Variants in CACNA1A observed in about 807,000 individuals in gnomAD.
CACNA1A encodes the protein calcium voltage-gated channel subunit alpha1 A.
A neutral mutation model predicts 262.4 loss-of-function variants in CACNA1A; 57 were observed. The observed-to-expected ratio is 0.22, with a 90% CI of 0.18 to 0.27. CACNA1A has a LOEUF of 0.27. CACNA1A is among the 10% of genes least tolerant of loss of function. The pLI is 1.00. For missense variants in CACNA1A, 2,526 were observed against 3,562.8 expected, an observed-to-expected ratio of 0.71 and a Z score of 7.41; for synonymous variants, 1,431 against 1,419.3, an observed-to-expected ratio of 1.01 and a Z score of -0.18.
intron 11 of CACNA1A, among the ~76,000 whole-genome samples, chr19:13,314,140 G>A (rs78709727): frequency 0.034 from 5,217 of 152,256 alleles, 159 homozygotes; most frequent in East Asian, 0.13. Context: ...GGGCTTTCTT[G>A]GTAGGGTAGG....
intron 3 of CACNA1A, among the ~76,000 whole-genome samples, chr19:13,395,291 GAAAAGAAAAAGA>G (rs1045163093): frequency 1.8e-5 from 2 of 112,356 alleles, no homozygotes; most frequent in African/African-American, 7.0e-5. Flanking sequence ...AAAAAAAAAA[GAAAAGAAAAAGA>G]AAAAGAAAAA....
intron 1 of CACNA1A, among the ~76,000 whole-genome samples, chr19:13,490,277 T>C (rs747526362): frequency 8.5e-5 from 13 of 152,120 alleles, no homozygotes; most frequent in Non-Finnish European, 1.8e-4. Flanking sequence ...TGGTTAAGAT[T>C]AGGTAGCTTC....
intron 3 of CACNA1A, among the ~76,000 whole-genome samples, chr19:13,419,603 G>T (rs2060282110): frequency 6.6e-6 from 1 of 152,160 alleles, no homozygotes; most frequent in Non-Finnish European, 1.5e-5. Context: ...CTTGAACCCA[G>T]GTGGTCGAGG....
intron 19 of CACNA1A, among the ~76,000 whole-genome samples, chr19:13,294,763 A>C (rs529988552): frequency 1.3e-5 from 2 of 152,200 alleles, no homozygotes; most frequent in East Asian, 3.9e-4. Flanking sequence ...TGCTGGGATT[A>C]CAGGCGTGAA....
At chr19:13,306,720 C>T (rs1374199554) in intron 15 of CACNA1A, 2 of 152,318 alleles carry the variant, frequency 1.3e-5, no homozygotes, top group Middle Eastern at 3.1e-3. Context: ...CACTATCCAC[C>T]TGCCCTAATC....
intron 3 of CACNA1A, among the ~76,000 whole-genome samples, chr19:13,378,110 C>T (rs2059449541): frequency 6.6e-6 from 1 of 152,204 alleles, no homozygotes; most frequent in African/African-American, 2.4e-5. Flanking sequence ...TTCAAGACTT[C>T]ACTGGAGGAA....
At chr19:13,482,619 C>A (rs1979465982) in intron 1 of CACNA1A, among the ~76,000 whole-genome samples, 1 of 152,108 alleles carries the variant, frequency 6.6e-6, no homozygotes, top group Admixed American at 6.5e-5. Context: ...TTCTCAGTTC[C>A]CCCTGCAGTC....
chr19:13,497,521 AATATATATATATATAT>A (rs1568709638), intron 1 of CACNA1A, among the ~76,000 whole-genome samples: 42 of 12,554 alleles, frequency 3.3e-3, no homozygotes, highest in South Asian at 5.4e-3. Flanking sequence ...AAAAAAAAAA[AATATATATATATATAT>A]ATATATATAT....
chr19:13,214,590 T>A lies in CACNA1A; in HGVS notation c.5750A>T (p.Gln1917Leu), dbSNP rs1161181755. The A allele has an allele frequency of 2.5e-6, 4 of 1,613,694 alleles. No homozygotes were observed. Among genetic ancestry groups the A allele is most frequent in the Non-Finnish European group, 3.4e-6 (4 of 1,179,826 alleles). The change falls in exon 39 of 47, where the codon CAG (glutamine) becomes CTG (leucine). Residue 1917 changes from glutamine (Q) to leucine (L), a missense_variant. Around this residue, in one of 17 missense-constraint regions of CACNA1A, gnomAD observed 112 missense variants for 197.2 expected, o/e 0.57. Coordinates refer to ENST00000360228, the MANE Select transcript of CACNA1A (RefSeq NM_001127222.2). The surrounding 1 kb of genome is among the most constrained non-coding windows in gnomAD (Gnocchi z 4.1). ...KIAKGGADKQ[Q>L]MDAELRKEMM... Reference sequence around the variant, plus strand: ...CTCCTTCCGCAGCTCAGCGTCCATCTGCTGTTTGTCGGCTCCTCCTGCAAT... The same window carrying A: ...CTCCTTCCGCAGCTCAGCGTCCATCAGCTGTTTGTCGGCTCCTCCTGCAAT...
At chr19:13,292,001 A>G (rs1250428238) in intron 19 of CACNA1A, among the ~76,000 whole-genome samples, 1 of 152,128 alleles carries the variant, frequency 6.6e-6, no homozygotes, top group East Asian at 1.9e-4. Flanking sequence ...CAGAGATAAG[A>G]ATTCTAGAGT....
At position 13,209,145 on chromosome 19, in the gene CACNA1A, G is replaced by T. The variant is rs2054704111; in HGVS notation, c.6527-136C>A. 12 of 1,377,480 alleles carry T rather than the reference G, an allele frequency of 8.7e-6. No homozygotes were observed. In the Admixed American group the frequency reaches 2.6e-4, roughly 29 times the overall value. The allele number at this position is 1,377,480 out of a possible 1,614,324, so 85.3% of individuals were successfully genotyped here. A position where few individuals can be genotyped will look rare whatever the true frequency, so the allele number is the denominator to read the frequency against. On this transcript the variant is annotated intron_variant, in intron 45 of 46. Coordinates refer to ENST00000360228, the MANE Select transcript of CACNA1A (RefSeq NM_001127222.2). ...AACCGAGGCAGGTCAGTGGGTTGGG[G>T]GGAGGGGGTAGTACCCAGGTTCCTG...
In CACNA1A at chr19:13,359,680, C is replaced by T. The variant is rs863224852; in HGVS notation, c.904G>A (p.Asp302Asn). The stretch of plus-strand genomic sequence containing the variant: ...GTCAGCACTGCAAACAGGATGTTGT[C>T]GAACTGAGTGATCCCGTTGTTGGGC... ...EGPNNGITQF[D>N]NILFAVLTVF... The change falls in exon 6 of 47, where the codon GAC becomes AAC. Residue 302 changes from aspartate (D) to asparagine (N), a missense_variant. Coordinates refer to ENST00000360228, the MANE Select transcript of CACNA1A (RefSeq NM_001127222.2). 1 of 1,607,434 alleles carries T rather than the reference C, an allele frequency of 6.2e-7. No individual in the cohort carries two copies. The highest frequency in any genetic ancestry group is 2.2e-5 in the East Asian group (1 of 44,686).
At chr19:13,316,444 G>A (rs1275104048) in intron 11 of CACNA1A, 1 of 151,860 alleles carries the variant, frequency 6.6e-6, no homozygotes, top group East Asian at 1.9e-4. Flanking sequence ...TGTACCTTGA[G>A]GGAGCAAAAC....
chr19:13,360,808 A>C (rs186388971), intron 5 of CACNA1A, among the ~76,000 whole-genome samples: 1 of 152,190 alleles, frequency 6.6e-6, no homozygotes, highest in Admixed American at 6.5e-5. Flanking sequence ...CTCAGACATC[A>C]TATCATTTCA....
intron 4 of CACNA1A, 84 bp from the exon 5 acceptor site, chr19:13,365,553 G>C: frequency 7.9e-7 from 1 of 1,268,252 alleles, no homozygotes; most frequent in Non-Finnish European, 1.1e-6. Context: ...GTCTCTCCCA[G>C]ACAAAGCAGG....
intron 5 of CACNA1A, among the ~76,000 whole-genome samples, chr19:13,360,155 T>G (rs2059077802): frequency 6.6e-6 from 1 of 151,858 alleles, no homozygotes; most frequent in African/African-American, 2.4e-5. Flanking sequence ...TCATTATTGT[T>G]CAAGTAAAAT....
chr19:13,407,405 T>A (rs2060030204), intron 3 of CACNA1A, among the ~76,000 whole-genome samples: 1 of 152,216 alleles, frequency 6.6e-6, no homozygotes, highest in Admixed American at 6.5e-5. Context: ...ATATCTTGGA[T>A]ATAGAGATTC....
Position 13,214,424 on chromosome 19 carries a change from T to C in CACNA1A, c.5839+77A>G, listed in dbSNP as rs1005508013. ...TGTGTATACCAGCCCAGGCCAACAC[T>C]CTCCCCAGGCCTCCCCTTTCCCTCC... is the stretch of plus-strand genomic sequence containing the variant. On this transcript the variant is annotated intron_variant, in intron 39 of 46. Coordinates refer to ENST00000360228, the MANE Select transcript of CACNA1A (RefSeq NM_001127222.2). This position sits in a 1 kb window ranked among gnomAD's most constrained non-coding sequence, Gnocchi z 4.1. 5.6e-5 allele frequency: 86 copies of C among 1,540,152 alleles called. 1 individual carries two copies. The highest frequency in any genetic ancestry group is 7.3e-5 in the Non-Finnish European group (82 of 1,118,676).
In CACNA1A at chr19:13,252,240, A is replaced by T. The variant is rs564793842; in HGVS notation, c.4866+751T>A. Among the ~76,000 whole-genome samples the T allele has an allele frequency of 1.4e-3, 202 of 143,242 alleles. 1 individual carries two copies. The highest frequency in any genetic ancestry group is 3.6e-3 in the Middle Eastern group (1 of 278). The allele number at this position is 143,242 out of a possible 152,430, so 94.0% of individuals were successfully genotyped here. The stretch of plus-strand genomic sequence containing the variant: ...ACCATGCCTGGCTAATTAAAAAAAA[A>T]TTTTTTTTTTTTTTGTAGGGACAGG... On this transcript the variant is annotated intron_variant, in intron 30 of 46. Transcript: ENST00000360228.
Sources: allele counts gnomAD v4.1 joint callset (sites outside exome capture counted in the v4.1 genomes callset), GRCh38; gene constraint gnomAD v4.1.1; regional missense constraint gnomAD v4.1.1; non-coding constraint Gnocchi (gnomAD v3.1); transcripts MANE v1.5; gene names NCBI Gene and HGNC (gene_info 2026-07-23, HGNC 2026-07-21).